SRRM4: variants seen among roughly 807,000 people sequenced by gnomAD.
SRRM4 encodes the protein serine/arginine repetitive matrix protein 4.
A neutral mutation model predicts 68.9 loss-of-function variants in SRRM4; 33 were observed. That is an observed-to-expected ratio of 0.48 (90% confidence interval 0.36 to 0.64). The LOEUF is 0.64. Among genes scored for constraint, SRRM4 ranks in the 30% least tolerant of loss-of-function variants. SRRM4 has a pLI of 0.00. For missense variants in SRRM4, 817 were observed against 827.1 expected (o/e 0.99, Z 0.15); for synonymous variants, 318 against 318.8 (o/e 1.00, Z 0.03).
intron 1 of SRRM4, among the ~76,000 whole-genome samples, chr12:119,015,243 A>G (rs188667162): frequency 2.0e-5 from 3 of 152,308 alleles, no homozygotes; most frequent in Admixed American, 6.5e-5. Context: ...ATCACTTATA[A>G]ATAAAGCCAG....
At chr12:119,114,141 C>T in intron 2 of SRRM4, 137 bp from the exon 3 acceptor site, 1 of 629,588 alleles carries the variant, frequency 1.6e-6, no homozygotes, top group Non-Finnish European at 2.8e-6. Flanking sequence ...ACCCAATCAG[C>T]CATGAGGTGG....
At chr12:119,084,934 T>C (rs963312523) in intron 1 of SRRM4, among the ~76,000 whole-genome samples, 7 of 152,214 alleles carry the variant, frequency 4.6e-5, no homozygotes, top group African/African-American at 1.7e-4. Flanking sequence ...AGTTTTGCTC[T>C]TTGTTGCCCA....
intron 1 of SRRM4, among the ~76,000 whole-genome samples, chr12:119,030,316 C>T (rs1036598296): frequency 2.0e-5 from 3 of 152,102 alleles, no homozygotes; most frequent in African/African-American, 4.8e-5. Flanking sequence ...AGAAGTAATC[C>T]GGTAGAGCTG....
chr12:118,987,578 A>G (rs1162679917), intron 1 of SRRM4, among the ~76,000 whole-genome samples: 4 of 152,184 alleles, frequency 2.6e-5, no homozygotes, highest in Non-Finnish European at 5.9e-5. Flanking sequence ...GGGCTATGAG[A>G]CTTGGCAAGC....
intron 9 of SRRM4, 78 bp downstream of exon 9, chr12:119,145,763 C>A: frequency 1.7e-6 from 2 of 1,159,726 alleles, no homozygotes; most frequent in Non-Finnish European, 2.3e-6. Context: ...TCCCAGCCTC[C>A]CCCACTCCAC....
At chr12:119,056,215 A>C (rs1953775381) in intron 1 of SRRM4, among the ~76,000 whole-genome samples, 1 of 152,214 alleles carries the variant, frequency 6.6e-6, no homozygotes, top group African/African-American at 2.4e-5. Context: ...GCTTTGTCTA[A>C]GTTCTGGCAT....
intron 8 of SRRM4, among the ~76,000 whole-genome samples, chr12:119,135,142 G>T (rs1954320236): frequency 1.3e-5 from 2 of 152,164 alleles, no homozygotes. Context: ...TGCCTTGAAA[G>T]CTTACCCTGA....
chr12:119,141,841 C>T (rs936722808), intron 8 of SRRM4, among the ~76,000 whole-genome samples: 1 of 152,160 alleles, frequency 6.6e-6, no homozygotes, highest in African/African-American at 2.4e-5. Context: ...ACAAATGACA[C>T]TCATTTTTGA....
At chr12:119,069,945 G>A (rs1436077649) in intron 1 of SRRM4, among the ~76,000 whole-genome samples, 1 of 152,126 alleles carries the variant, frequency 6.6e-6, no homozygotes, top group Non-Finnish European at 1.5e-5. Flanking sequence ...TACCATAAAT[G>A]GGTAGAGTGA....
At chr12:119,058,607 A>T (rs1365835740) in intron 1 of SRRM4, among the ~76,000 whole-genome samples, 3 of 152,196 alleles carry the variant, frequency 2.0e-5, no homozygotes, top group Non-Finnish European at 4.4e-5. Context: ...AGTCTAGCAT[A>T]TTATAAAATA....
intron 1 of SRRM4, among the ~76,000 whole-genome samples, chr12:119,089,459 A>C (rs747544196): frequency 1.3e-5 from 2 of 152,206 alleles, no homozygotes; most frequent in African/African-American, 4.8e-5. Context: ...GAACAGCTGG[A>C]TGCCTGGGTT....
In SRRM4 at chr12:119,154,444, A is replaced by T. The variant is rs920127494; in HGVS notation, c.1532+61A>T. On this transcript the variant is annotated intron_variant, in intron 12 of 12. Coordinates refer to ENST00000267260, the MANE Select transcript of SRRM4 (RefSeq NM_194286.4). The surrounding 1 kb of genome is among the most constrained non-coding windows in gnomAD (Gnocchi z 4.7). ...CTCGTTCCCACTCCCATTCTTACTC[A>T]TTCGAGCCTCAGGCTCTCCCTAGGC... 1.3e-6 allele frequency: 2 copies of T among 1,581,050 alleles called. No homozygotes were observed. The highest frequency in any genetic ancestry group is 2.7e-5 in the African/African-American group (2 of 74,188).
intron 2 of SRRM4, among the ~76,000 whole-genome samples, chr12:119,113,397 C>T (rs1954156833): frequency 6.6e-6 from 1 of 152,316 alleles, no homozygotes; most frequent in African/African-American, 2.4e-5. Flanking sequence ...TTCTAATTGT[C>T]TAGCCATCAG....
intron 1 of SRRM4, among the ~76,000 whole-genome samples, chr12:119,095,706 A>C (rs531651925): frequency 6.6e-6 from 1 of 152,072 alleles, no homozygotes; most frequent in Non-Finnish European, 1.5e-5. Context: ...CTCTCCAAAC[A>C]CATAAGACCA....
At chr12:119,010,910 A>G (rs1199340298) in intron 1 of SRRM4, among the ~76,000 whole-genome samples, 1 of 152,234 alleles carries the variant, frequency 6.6e-6, no homozygotes, top group Non-Finnish European at 1.5e-5. Context: ...TGTGACAGGA[A>G]AAAGCAAACT....
intron 2 of SRRM4, among the ~76,000 whole-genome samples, chr12:119,111,813 G>C (rs1954145465): frequency 6.6e-6 from 1 of 152,214 alleles, no homozygotes; most frequent in Non-Finnish European, 1.5e-5. Flanking sequence ...GGAGGCCAAA[G>C]CAAGTGGATC....
At chr12:118,984,442 C>T (rs186329791) in intron 1 of SRRM4, among the ~76,000 whole-genome samples, 4 of 152,212 alleles carry the variant, frequency 2.6e-5, no homozygotes, top group East Asian at 1.9e-4. Flanking sequence ...AGATCACAGT[C>T]GGCAAACCAG....
chr12:119,021,533 T>C (rs1953515703), intron 1 of SRRM4, among the ~76,000 whole-genome samples: 1 of 152,168 alleles, frequency 6.6e-6, no homozygotes, highest in South Asian at 2.1e-4. Context: ...TGCACACCAG[T>C]GTGCACCAAC....
chr12:118,993,650 C>A (rs577232803), intron 1 of SRRM4, among the ~76,000 whole-genome samples: 167 of 152,270 alleles, frequency 1.1e-3, no homozygotes, highest in African/African-American at 3.6e-3. Flanking sequence ...AAAGAAAAGA[C>A]ACCTTGACAA....
Sources: gnomAD v4.1 joint callset for allele counts (sites outside exome capture counted in the v4.1 genomes callset) on GRCh38, gnomAD v4.1.1 for gene constraint, Gnocchi (gnomAD v3.1) non-coding constraint, MANE v1.5 for transcripts, NCBI Gene and HGNC (gene_info 2026-07-23, HGNC 2026-07-21) for gene names.